Variants in SND1 observed in about 807,000 individuals in gnomAD.
SND1 encodes the protein staphylococcal nuclease and tudor domain containing 1, also known as staphylococcal nuclease domain-containing protein 1.
Under a neutral mutation model 121.7 loss-of-function variants are expected in SND1, and 38 were observed. The observed-to-expected ratio is 0.31, with a 90% CI of 0.24 to 0.41. The LOEUF is 0.41. SND1 is among the 10% of genes least tolerant of loss of function. The pLI is 1.00. For synonymous variants in SND1, 401 were observed against 447.4 expected, an observed-to-expected ratio of 0.90 and a Z score of 1.31; for missense variants, 868 against 1,184.6, an observed-to-expected ratio of 0.73 and a Z score of 3.92.
chr7:127,802,059 A>G (rs1004106800), intron 10 of SND1, among the ~76,000 whole-genome samples: 15 of 152,002 alleles, frequency 9.9e-5, no homozygotes, highest in Admixed American at 8.5e-4. Context: ...GTTAGCCAGG[A>G]TGGTCTTGAT....
chr7:127,818,767 C>T (rs1269312729), intron 11 of SND1, among the ~76,000 whole-genome samples: 2 of 152,160 alleles, frequency 1.3e-5, no homozygotes, highest in African/African-American at 4.8e-5. Flanking sequence ...TTTCCACCAT[C>T]TCCAAACTTT....
At chr7:127,839,249 G>A (rs1193529067) in intron 11 of SND1, among the ~76,000 whole-genome samples, 1 of 152,154 alleles carries the variant, frequency 6.6e-6, no homozygotes, top group Non-Finnish European at 1.5e-5. Context: ...TGTCATGAGA[G>A]GGGTAATAAA....
rs200953355 is a variant in SND1, at chr7:127,664,150, A to AT, written c.78+11705dup. ...AAGACATCCTCTGGCTAATTTTTGT[A>AT]TTTTTTGTAGAGGCGGGGTCTCTCT... On this transcript the variant is annotated intron_variant, in intron 1 of 23. Coordinates refer to ENST00000354725, the MANE Select transcript of SND1 (RefSeq NM_014390.4). Among the ~76,000 whole-genome samples, 921 of 151,926 alleles carry AT rather than the reference A, an allele frequency of 6.1e-3. 11 individuals are homozygous for AT. The highest frequency in any genetic ancestry group is 0.021 in the African/African-American group (870 of 41,414).
chr7:128,084,894 G>T, intron 19 of SND1, 47 bp downstream of exon 19: 1 of 1,557,988 alleles, frequency 6.4e-7, no homozygotes, highest in Admixed American at 1.8e-5. Flanking sequence ...AGGAACGATA[G>T]CAGGGCTGTC....
intron 2 of SND1, among the ~76,000 whole-genome samples, chr7:127,692,132 C>A (rs712713): frequency 0.95 from 143,914 of 152,176 alleles, 68,469 homozygotes; most frequent in Non-Finnish European, 1. Context: ...GGTCATTTAC[C>A]TAGTAACTAG....
At chr7:128,002,436 C>G (rs1422166569) in intron 16 of SND1, among the ~76,000 whole-genome samples, 1 of 152,230 alleles carries the variant, frequency 6.6e-6, no homozygotes, top group East Asian at 1.9e-4. Flanking sequence ...GTATTACATT[C>G]AGTGGAAAAC....
At chr7:127,939,736 GCCCTTACC>G (rs1801149767) in intron 15 of SND1, among the ~76,000 whole-genome samples, 1 of 152,126 alleles carries the variant, frequency 6.6e-6, no homozygotes, top group Non-Finnish European at 1.5e-5. Context: ...GGGGTGTTCA[GCCCTTACC>G]ATCTACTGGG....
At chr7:127,744,800 G>A (rs1446987931) in intron 10 of SND1, among the ~76,000 whole-genome samples, 1 of 152,146 alleles carries the variant, frequency 6.6e-6, no homozygotes, top group Non-Finnish European at 1.5e-5. Context: ...GAAGAGTTTA[G>A]AGATACAACA....
chr7:127,700,824 C>T (rs1428055693), intron 4 of SND1, among the ~76,000 whole-genome samples: 2 of 152,060 alleles, frequency 1.3e-5, no homozygotes, highest in Admixed American at 1.3e-4. Context: ...TTCCTGAATC[C>T]GGGATGGTTA....
intron 10 of SND1, among the ~76,000 whole-genome samples, chr7:127,793,834 CTG>C (rs1797960969): frequency 1.3e-5 from 2 of 152,118 alleles, no homozygotes; most frequent in South Asian, 4.2e-4. Flanking sequence ...GTCCTGTGCA[CTG>C]TGACTTGCCT....
At chr7:128,041,549 C>A (rs1423620984) in intron 16 of SND1, among the ~76,000 whole-genome samples, 1 of 152,172 alleles carries the variant, frequency 6.6e-6, no homozygotes, top group African/African-American at 2.4e-5. Flanking sequence ...TGGAAAATCA[C>A]CTTTATATCT....
intron 12 of SND1, among the ~76,000 whole-genome samples, chr7:127,867,404 C>G (rs1363563319): frequency 6.6e-6 from 1 of 152,182 alleles, no homozygotes; most frequent in African/African-American, 2.4e-5. Context: ...CATTGTCCCT[C>G]TTCTTACCAC....
At chr7:127,959,532 T>C (rs919201858) in intron 15 of SND1, among the ~76,000 whole-genome samples, 3 of 152,222 alleles carry the variant, frequency 2.0e-5, no homozygotes, top group African/African-American at 7.2e-5. Context: ...TACTCCTGTG[T>C]TGGGGCCTTT....
At chr7:128,090,790 G>A (rs375572185) in intron 22 of SND1, among the ~76,000 whole-genome samples, 4 of 152,008 alleles carry the variant, frequency 2.6e-5, no homozygotes, top group Admixed American at 6.5e-5. Flanking sequence ...GTGGACTGCC[G>A]CTGTGTCTCA....
At chr7:127,894,162 C>T (rs145580602) in intron 13 of SND1, among the ~76,000 whole-genome samples, 1,569 of 152,076 alleles carry the variant, frequency 0.01, 15 homozygotes, top group Middle Eastern at 0.027. Context: ...CTCTTGGTAA[C>T]GCAGTTAATG....
At chr7:127,725,465 A>T (rs539036311) in intron 10 of SND1, among the ~76,000 whole-genome samples, 136 of 152,290 alleles carry the variant, frequency 8.9e-4, no homozygotes, top group Admixed American at 4.8e-3. Context: ...CAGCATGGGT[A>T]AAAATATGGG....
chr7:127,757,159 C>G (rs1797212294), intron 10 of SND1, among the ~76,000 whole-genome samples: 1 of 152,166 alleles, frequency 6.6e-6, no homozygotes, highest in Non-Finnish European at 1.5e-5. Context: ...GTTATGCCTT[C>G]TCAAACTTCA....
chr7:127,841,773 A>T (rs773974746), intron 11 of SND1, among the ~76,000 whole-genome samples: 1 of 152,082 alleles, frequency 6.6e-6, no homozygotes, highest in Non-Finnish European at 1.5e-5. Flanking sequence ...TAGTTGTTCA[A>T]TCCCCCTGTC....
intron 10 of SND1, among the ~76,000 whole-genome samples, chr7:127,748,710 G>A (rs190372327): frequency 1.5e-3 from 226 of 152,344 alleles, no homozygotes; most frequent in Non-Finnish European, 2.6e-3. Context: ...GTTAGAAACT[G>A]CTGTAATTGT....
Sources: allele counts gnomAD v4.1 joint callset (sites outside exome capture counted in the v4.1 genomes callset), GRCh38; gene constraint gnomAD v4.1.1; transcripts MANE v1.5; gene names NCBI Gene and HGNC (gene_info 2026-07-23, HGNC 2026-07-21).